Variants in F13A1 observed in about 807,000 individuals in gnomAD.
The protein encoded by F13A1 is coagulation factor XIII A chain, also known as FSF, A subunit.
A neutral mutation model predicts 80.1 loss-of-function variants in F13A1; 47 were observed. The ratio of observed to expected loss-of-function variants is 0.59; its 90% CI spans 0.46 to 0.75. The LOEUF (loss-of-function observed/expected upper bound fraction) is 0.75, where lower values mean the gene tolerates loss of function less well. F13A1 is among the 30% of genes least tolerant of loss of function. F13A1 has a pLI of 0.00. For synonymous variants in F13A1, 349 were observed against 344.9 expected (o/e 1.01, Z -0.13); for missense variants, 817 against 930.4 (o/e 0.88, Z 1.59).
chr6:6,147,036 A>T (rs1432004998), intron 14 of F13A1, among the ~76,000 whole-genome samples: 2 of 152,244 alleles, frequency 1.3e-5, no homozygotes, highest in Non-Finnish European at 2.9e-5. Flanking sequence ...CCAGTATTCT[A>T]AGTGAAGTAA....
At chr6:6,231,651 A>T (rs1407315623) in intron 6 of F13A1, among the ~76,000 whole-genome samples, 1 of 152,208 alleles carries the variant, frequency 6.6e-6, no homozygotes, top group Non-Finnish European at 1.5e-5. Flanking sequence ...TAAGACAAAG[A>T]AAAGAATCTT....
intron 3 of F13A1, among the ~76,000 whole-genome samples, chr6:6,293,778 AGAGAGAGGGAGG>A (rs1217608837): frequency 1.2e-5 from 1 of 86,536 alleles, no homozygotes; most frequent in African/African-American, 5.5e-5. Context: ...AGGGAGTGAG[AGAGAGAGGGAGG>A]GAGGGAGGGA....
At chr6:6,230,475 C>T (rs1757335907) in intron 6 of F13A1, among the ~76,000 whole-genome samples, 1 of 152,102 alleles carries the variant, frequency 6.6e-6, no homozygotes, top group South Asian at 2.1e-4. Flanking sequence ...ACACGCCTAG[C>T]CCAGCCCCCA....
chr6:6,291,008 CAA>C (rs1758217472), intron 3 of F13A1, among the ~76,000 whole-genome samples: 1 of 152,146 alleles, frequency 6.6e-6, no homozygotes, highest in Non-Finnish European at 1.5e-5. Context: ...CTTTCTGAAA[CAA>C]AATCCATAGG....
chr6:6,307,976 G>GAT (rs1224238282), intron 2 of F13A1, among the ~76,000 whole-genome samples: 1 of 130,372 alleles, frequency 7.7e-6, no homozygotes, highest in East Asian at 2.6e-4. Flanking sequence ...CTGCTCATAG[G>GAT]ATTTTTTTTT....
intron 8 of F13A1, among the ~76,000 whole-genome samples, chr6:6,219,746 G>A (rs897403869): frequency 1.3e-5 from 2 of 152,148 alleles, no homozygotes; most frequent in Non-Finnish European, 2.9e-5. Flanking sequence ...CACTGGTGAG[G>A]CCAAGTGTCT....
At chr6:6,147,761 C>T (rs565091182) in intron 14 of F13A1, among the ~76,000 whole-genome samples, 12 of 152,068 alleles carry the variant, frequency 7.9e-5, no homozygotes, top group African/African-American at 2.4e-4. Flanking sequence ...TGTGTACATA[C>T]GAAAAAACTC....
intron 8 of F13A1, 60 bp downstream of exon 8, chr6:6,221,973 G>A: frequency 6.3e-7 from 1 of 1,583,132 alleles, no homozygotes; most frequent in Non-Finnish European, 8.6e-7. Flanking sequence ...CTATCTTGTG[G>A]TAAATGTGTA....
intron 6 of F13A1, among the ~76,000 whole-genome samples, chr6:6,228,154 A>G (rs532798065): frequency 3.9e-5 from 6 of 152,310 alleles, no homozygotes; most frequent in African/African-American, 1.4e-4. Flanking sequence ...TCAAGTAGAC[A>G]ATACAAGTCC....
At chr6:6,199,144 T>A (rs1761346146) in intron 8 of F13A1, among the ~76,000 whole-genome samples, 1 of 152,184 alleles carries the variant, frequency 6.6e-6, no homozygotes, top group Admixed American at 6.5e-5. Flanking sequence ...GAAGTGGTGT[T>A]CTAAAACCCT....
chr6:6,307,105 T>C (rs1252693000), intron 2 of F13A1, among the ~76,000 whole-genome samples: 1 of 152,210 alleles, frequency 6.6e-6, no homozygotes, highest in African/African-American at 2.4e-5. Context: ...TGAGAAGGTC[T>C]ATGAAGGCTC....
chr6:6,151,040 G>T (rs1583043539), intron 14 of F13A1, among the ~76,000 whole-genome samples: 1 of 152,272 alleles, frequency 6.6e-6, no homozygotes, highest in East Asian at 1.9e-4. Context: ...TCATTGGCAG[G>T]ATCAAATGGT....
chr6:6,313,099 C>T (rs962337760), intron 2 of F13A1, among the ~76,000 whole-genome samples: 1 of 152,094 alleles, frequency 6.6e-6, no homozygotes, highest in African/African-American at 2.4e-5. Flanking sequence ...GAGTGTGTTC[C>T]AGCAAGCATT....
At chr6:6,239,128 G>A (rs767501236) in intron 6 of F13A1, among the ~76,000 whole-genome samples, 1 of 152,124 alleles carries the variant, frequency 6.6e-6, no homozygotes, top group African/African-American at 2.4e-5. Context: ...TGAATGGATA[G>A]ACAAATTGTG....
At chr6:6,241,692 A>T (rs1327434865) in intron 6 of F13A1, among the ~76,000 whole-genome samples, 1 of 152,194 alleles carries the variant, frequency 6.6e-6, no homozygotes, top group African/African-American at 2.4e-5. Context: ...ATTGCTTTGT[A>T]ATTAAAATTT....
chr6:6,161,203 A>G (rs1760566935), intron 13 of F13A1, among the ~76,000 whole-genome samples: 1 of 152,098 alleles, frequency 6.6e-6, no homozygotes. Context: ...GGAATGCTGC[A>G]TACACTCAAC....
intron 12 of F13A1, among the ~76,000 whole-genome samples, chr6:6,170,828 TTGCAATACAC>T: frequency 6.6e-6 from 1 of 152,260 alleles, no homozygotes; most frequent in East Asian, 1.9e-4. Context: ...ATGTGGCTTT[TTGCAATACAC>T]TGCAATTTAA....
intron 10 of F13A1, among the ~76,000 whole-genome samples, chr6:6,183,670 G>C (rs556213597): frequency 6.6e-6 from 1 of 152,282 alleles, no homozygotes; most frequent in East Asian, 1.9e-4. Context: ...AAGATACTTT[G>C]GGAGCACATG....
At chr6:6,193,712 T>C (rs80088148) in intron 10 of F13A1, among the ~76,000 whole-genome samples, 37 of 152,350 alleles carry the variant, frequency 2.4e-4, no homozygotes, top group African/African-American at 8.9e-4. Flanking sequence ...GGCAGCTTGC[T>C]TGTGGAGGGA....
Sources: allele counts gnomAD v4.1 joint callset (sites outside exome capture counted in the v4.1 genomes callset), GRCh38; gene constraint gnomAD v4.1.1; transcripts MANE v1.5; gene names NCBI Gene and HGNC (gene_info 2026-07-23, HGNC 2026-07-21).